Variants in RYR1 observed in about 807,000 individuals in gnomAD.
RYR1 encodes ryanodine receptor 1.
Under a neutral mutation model 583.5 loss-of-function variants are expected in RYR1, and 342 were observed. The ratio of observed to expected loss-of-function variants is 0.59; its 90% CI spans 0.54 to 0.64. The LOEUF (loss-of-function observed/expected upper bound fraction) is 0.64. Ranked by LOEUF, RYR1 falls within the 30% of genes least tolerant of loss-of-function variation. The pLI, the probability that RYR1 is intolerant of heterozygous loss-of-function variation, is 0.00. For synonymous variants in RYR1, 2,791 were observed against 2,822.5 expected (o/e 0.99, Z 0.35); for missense variants, 6,032 against 6,917.2 (o/e 0.87, Z 4.54).
chr19:38,586,178 CTGGCCAATTACA>C lies in RYR1; in HGVS notation c.14959_14969+1del, dbSNP rs1344053360. ...GACTCACACGCTGGAGGAGCACAAC[CTGGCCAATTACA>C]TGTGAGCAGACACACTGGCCAGTCA... On this transcript the variant is annotated inframe_deletion and splice_region_variant, in exon 104 of 106. Transcript: ENST00000359596. 1.2e-6 allele frequency: 2 copies of C among 1,613,778 alleles called. No homozygotes were observed. Among genetic ancestry groups the C allele is most frequent in the Non-Finnish European group, 1.7e-6 (2 of 1,180,006 alleles).
At chr19:38,472,235 A>G (rs552834360) in intron 27 of RYR1, among the ~76,000 whole-genome samples, 1 of 152,202 alleles carries the variant, frequency 6.6e-6, no homozygotes, top group East Asian at 1.9e-4. Context: ...AGTAGCTGGA[A>G]TTACAGGCAT....
At chr19:38,547,831 A>G (rs1459815578) in intron 88 of RYR1, among the ~76,000 whole-genome samples, 1 of 151,320 alleles carries the variant, frequency 6.6e-6, no homozygotes, top group Admixed American at 6.6e-5. Flanking sequence ...CTCGTGCCTC[A>G]GCCTCCCAAG....
At chr19:38,537,797 G>A in intron 83 of RYR1, 83 bp from the exon 84 acceptor site, 2 of 1,240,074 alleles carry the variant, frequency 1.6e-6, no homozygotes, top group Non-Finnish European at 2.4e-6. Context: ...TGCGTGTGCA[G>A]TGTGCATGGG....
At chr19:38,523,395 C>G (rs1971310634) in intron 69 of RYR1, 86 bp downstream of exon 69, 1 of 1,516,570 alleles carries the variant, frequency 6.6e-7, no homozygotes, top group Non-Finnish European at 9.1e-7. Flanking sequence ...CCTCACCCAG[C>G]CAGCCCGTCC....
intron 33 of RYR1, among the ~76,000 whole-genome samples, chr19:38,485,132 C>T (rs1969216488): frequency 6.6e-6 from 1 of 152,164 alleles, no homozygotes; most frequent in African/African-American, 2.4e-5. Flanking sequence ...TATACTCAGA[C>T]CTGCCAGAGG....
At chr19:38,571,004 T>G (rs1198711193) in intron 94 of RYR1, among the ~76,000 whole-genome samples, 1 of 152,256 alleles carries the variant, frequency 6.6e-6, no homozygotes, top group Non-Finnish European at 1.5e-5. Flanking sequence ...CCCTCAGCTC[T>G]TGGCAACACC....
chr19:38,478,636 A>C, intron 31 of RYR1, 36 bp downstream of exon 31: 2 of 1,602,066 alleles, frequency 1.2e-6, no homozygotes, highest in Non-Finnish European at 1.7e-6. Context: ...CGAGAGCATC[A>C]TGTCCCAGCA....
At chr19:38,568,168 G>A (rs1437945613) in intron 93 of RYR1, among the ~76,000 whole-genome samples, 1 of 151,974 alleles carries the variant, frequency 6.6e-6, no homozygotes, top group African/African-American at 2.4e-5. Context: ...TCTGTTCATC[G>A]GGGCCACCCA....
At chr19:38,476,788 A>G (rs1968755029) in intron 29 of RYR1, among the ~76,000 whole-genome samples, 1 of 152,150 alleles carries the variant, frequency 6.6e-6, no homozygotes, top group Non-Finnish European at 1.5e-5. Flanking sequence ...CTTCTCTCCT[A>G]TGGAGGTGCT....
Position 38,451,819 on chromosome 19 carries a change from A to C in RYR1, c.1178A>C (p.Gln393Pro). ...MDDALSLTRC[Q>P]QEESQAARMI... ...GACGCACTGTCGCTGACCCGCTGCC[A>C]GCAGGAGGAGTCCCAGGCCGCCCGC... The change falls in exon 12 of 106, where the codon CAG becomes CCG. Residue 393 changes from glutamine to proline, a missense_variant. This residue lies in a region of RYR1 where 338 missense variants were observed against 441.6 expected (regional missense o/e 0.77). Coordinates refer to ENST00000359596, the MANE Select transcript of RYR1 (RefSeq NM_000540.3). 6.2e-7 allele frequency: 1 copy of C among 1,614,162 alleles called. No individual in the cohort carries two copies. The highest frequency in any genetic ancestry group is 8.5e-7 in the Non-Finnish European group (1 of 1,180,028).
chr19:38,466,012 C>G, intron 23 of RYR1, 79 bp from the exon 24 acceptor site: 1 of 1,337,686 alleles, frequency 7.5e-7, no homozygotes, highest in Non-Finnish European at 1.0e-6. Flanking sequence ...CAAGGGTCAG[C>G]AGTCAGGGAT....
In RYR1 at chr19:38,489,309, G is replaced by A. The variant is rs1568488417; in HGVS notation, c.5680G>A (p.Glu1894Lys). ...GEEEDEEEKE[E>K]DEEETAQEKE... ...AGAGGAAGATGAGGAGGAGAAGGAG[G>A]AGGATGAGGAGGAAACAGCACAGGA... The change falls in exon 35 of 106, where the codon GAG becomes AAG. Residue 1894 changes from glutamate to lysine, a missense_variant. Physicochemically the swap from Glu to Lys is moderately conservative, Grantham distance 56 (BLOSUM62 1). Transcript: ENST00000359596. The A allele has an allele frequency of 1.3e-6, 2 of 1,598,910 alleles. No homozygotes were observed. Among genetic ancestry groups the A allele is most frequent in the Non-Finnish European group, 1.7e-6 (2 of 1,166,308 alleles).
In RYR1 at chr19:38,587,325, G is replaced by C. The variant is rs1974542041; in HGVS notation, c.15022G>C (p.Glu5008Gln). The change falls in exon 106 of 106, where the codon GAG becomes CAG. Residue 5008 changes from glutamate to glutamine, a missense_variant and splice_region_variant. Coordinates refer to ENST00000359596, the MANE Select transcript of RYR1 (RefSeq NM_000540.3). ...GAACTCTTTCTATCCCCAATCCTAG[G>C]AGTCTTATGTCTGGAAGATGTACCA... ...NKDETEHTGQ[E>Q]SYVWKMYQER... 2 of 1,608,722 alleles carry C rather than the reference G, an allele frequency of 1.2e-6. No homozygotes were observed. The highest frequency in any genetic ancestry group is 1.1e-5 in the South Asian group (1 of 90,962).
chr19:38,527,593 C>A, intron 72 of RYR1, 54 bp from the exon 73 acceptor site: 1 of 1,608,740 alleles, frequency 6.2e-7, no homozygotes, highest in Non-Finnish European at 8.5e-7. Flanking sequence ...GGACATCCGG[C>A]GGACACTGTG....
intron 1 of RYR1, among the ~76,000 whole-genome samples, chr19:38,439,669 G>A (rs996955710): frequency 2.0e-5 from 3 of 151,378 alleles, no homozygotes; most frequent in Non-Finnish European, 2.9e-5. Context: ...ACCACACCCC[G>A]CTAATTTTTG....
Position 38,483,373 on chromosome 19 carries a change from G to A in RYR1, c.4791G>A (p.Gln1597=). The A allele has an allele frequency of 6.4e-7, 1 of 1,565,208 alleles. No individual in the cohort carries two copies. The highest frequency in any genetic ancestry group is 1.2e-5 in the South Asian group (1 of 85,148). ...APQCPPRLEM[Q]MLMPVSWSRM... ...AGTGCCCACCGCGGCTGGAGATGCA[G>A]ATGCTGATGCCAGTGTCCTGGAGCC... The change falls in exon 33 of 106, where the codon CAG becomes CAA. Residue 1597 remains glutamine (Q), a synonymous_variant. Transcript: ENST00000359596. The surrounding 1 kb of genome is among the most constrained non-coding windows in gnomAD (Gnocchi z 6.3).
intron 89 of RYR1, among the ~76,000 whole-genome samples, chr19:38,550,554 C>T (rs757095005): frequency 1.2e-4 from 18 of 152,012 alleles, no homozygotes; most frequent in Middle Eastern, 3.4e-3. Flanking sequence ...TCTATTGCCC[C>T]GGCTGGAGTG....
At position 38,577,940 on chromosome 19, in the gene RYR1, T is replaced by C; in HGVS notation, c.14195T>C (p.Ile4732Thr). 1 of 1,614,092 alleles carries C rather than the reference T, an allele frequency of 6.2e-7. No individual in the cohort carries two copies. The highest frequency in any genetic ancestry group is 8.5e-7 in the Non-Finnish European group (1 of 1,180,030). The change falls in exon 98 of 106, where the codon ATC becomes ACC. Residue 4732 changes from isoleucine to threonine, a missense_variant. Around this residue, in one of 11 missense-constraint regions of RYR1, gnomAD observed 188 missense variants for 215.6 expected, o/e 0.87. Coordinates refer to ENST00000359596, the MANE Select transcript of RYR1 (RefSeq NM_000540.3). ...CAGGTCCTGGACAAACATGGGGACA[T>C]CTACGGGCGGGAGCGGATTGCTGAG... ...KRKVLDKHGD[I>T]YGRERIAELL...
intron 63 of RYR1, 89 bp from the exon 64 acceptor site, chr19:38,514,937 T>C: frequency 2.4e-6 from 2 of 850,858 alleles, no homozygotes; most frequent in Non-Finnish European, 3.9e-6. Context: ...TCTTCCCCAC[T>C]GCATGGGCCT....
Sources: allele counts gnomAD v4.1 joint callset (sites outside exome capture counted in the v4.1 genomes callset), GRCh38; gene constraint gnomAD v4.1.1; regional missense constraint gnomAD v4.1.1; non-coding constraint Gnocchi (gnomAD v3.1); transcripts MANE v1.5; gene names NCBI Gene and HGNC (gene_info 2026-07-23, HGNC 2026-07-21).